Variants in FGD6 observed in about 807,000 individuals in gnomAD.
The protein encoded by FGD6 is FYVE, RhoGEF and PH domain containing 6.
FGD6 carries 90 observed loss-of-function variants against 149.4 expected under a neutral mutation model. That is an observed-to-expected ratio of 0.60 (90% confidence interval 0.51 to 0.72). FGD6 has a LOEUF of 0.72. Among genes scored for constraint, FGD6 ranks in the 30% least tolerant of loss-of-function variants. FGD6 has a pLI of 0.00. For synonymous variants in FGD6, 527 were observed against 584.0 expected (o/e 0.90, Z 1.41); for missense variants, 1,437 against 1,684.8 (o/e 0.85, Z 2.57).
At chr12:95,175,916 G>T (rs1483947175) in intron 2 of FGD6, among the ~76,000 whole-genome samples, 1 of 151,486 alleles carries the variant, frequency 6.6e-6, no homozygotes, top group Non-Finnish European at 1.5e-5. Flanking sequence ...GTCACAAGCA[G>T]AATGAGGGTG....
At chr12:95,169,389 T>C (rs1880922260) in intron 3 of FGD6, among the ~76,000 whole-genome samples, 1 of 151,738 alleles carries the variant, frequency 6.6e-6, no homozygotes, top group Admixed American at 6.6e-5. Flanking sequence ...AAATAGTCCT[T>C]TAAAAAAAAA....
At position 95,102,445 on chromosome 12, in the gene FGD6, A is replaced by C. The variant is rs1308106398; in HGVS notation, c.3497+2562T>G. 2.9e-4 allele frequency among the ~76,000 whole-genome samples: 4 copies of C among 13,920 alleles called. No homozygotes were observed. The East Asian group carries it at 8.9e-3, about 31-fold the overall frequency. 9.1% of individuals were successfully genotyped at this position (13,920 alleles called of 152,430 possible). A position where few individuals can be genotyped will look rare whatever the true frequency, so the allele number is the denominator to read the frequency against. On this transcript the variant is annotated intron_variant, in intron 14 of 20. Transcript: ENST00000343958. ...GGTGACAGAGCGAGACCCTTTCTCA[A>C]AAAAAAAAAAAAAAAAAAAAAACAC... is the stretch of plus-strand genomic sequence containing the variant.
At chr12:95,133,179 AG>A (rs1879572722) in intron 8 of FGD6, among the ~76,000 whole-genome samples, 1 of 152,206 alleles carries the variant, frequency 6.6e-6, no homozygotes, top group Admixed American at 6.5e-5. Flanking sequence ...GCACTTTGGG[AG>A]GCCAAGGTCG....
Position 95,089,590 on chromosome 12 carries a change from T to G in FGD6, c.3957A>C (p.Lys1319Asn). ...TTACTTCTTTGAGAGCAGCTGGGAT[T>G]TTTTTCTGTTTCCTCCCTGATGGAA... ...HSIPSGRKQK[K>N]IPAALKEVSA... Residue 1319 changes from lysine (K) to asparagine (N), a missense_variant, in exon 18 of 21, where the codon AAA (lysine) becomes AAC (asparagine). Transcript: ENST00000343958. The G allele has an allele frequency of 1.2e-6, 2 of 1,613,682 alleles. No homozygotes were observed. Among genetic ancestry groups the G allele is most frequent in the Non-Finnish European group, 1.7e-6 (2 of 1,179,752 alleles).
chr12:95,093,533 TA>T (rs532377816), intron 15 of FGD6, among the ~76,000 whole-genome samples: 151 of 149,938 alleles, frequency 1.0e-3, no homozygotes, highest in African/African-American at 3.6e-3. Flanking sequence ...TAACGACAAT[TA>T]GCATGGTGGC....
At chr12:95,109,677 A>G (rs964199730) in intron 9 of FGD6, among the ~76,000 whole-genome samples, 1 of 152,142 alleles carries the variant, frequency 6.6e-6, no homozygotes, top group African/African-American at 2.4e-5. Context: ...AGCCTCAGCA[A>G]TAAGGTAAAA....
intron 20 of FGD6, among the ~76,000 whole-genome samples, chr12:95,083,030 T>TACACACACACAC (rs1555215606): frequency 1.2e-4 from 7 of 56,594 alleles, no homozygotes; most frequent in African/African-American, 4.9e-4. Context: ...TATATATATA[T>TACACACACACAC]ACACACACAT....
intron 8 of FGD6, among the ~76,000 whole-genome samples, chr12:95,119,999 G>C (rs747150835): frequency 5.3e-5 from 8 of 151,814 alleles, no homozygotes; most frequent in Non-Finnish European, 8.8e-5. Flanking sequence ...GGGAGGCTGA[G>C]GCGGGAGGAT....
intron 8 of FGD6, among the ~76,000 whole-genome samples, chr12:95,129,047 T>G (rs927665045): frequency 6.6e-6 from 1 of 151,904 alleles, no homozygotes; most frequent in Non-Finnish European, 1.5e-5. Flanking sequence ...TGATAAGAGG[T>G]AGCATGACCA....
At position 95,089,973 on chromosome 12, in the gene FGD6, A is replaced by C. The variant is rs572881372; in HGVS notation, c.3851-277T>G. On this transcript the variant is annotated intron_variant, in intron 17 of 20. Transcript: ENST00000343958. Reference sequence around the variant, plus strand: ...CGTGACTATACTACCAACTTAAAAAAAATCCAAAAAACCTTCCCTACTGCC... The same window carrying C: ...CGTGACTATACTACCAACTTAAAAACAATCCAAAAAACCTTCCCTACTGCC... 1.2e-4 allele frequency among the ~76,000 whole-genome samples: 18 copies of C among 152,228 alleles called. No individual in the cohort carries two copies. The South Asian group carries it at 3.7e-3, about 32-fold the overall frequency.
At chr12:95,126,000 G>A (rs960809950) in intron 8 of FGD6, 2 of 1,384,394 alleles carry the variant, frequency 1.4e-6, no homozygotes, top group South Asian at 2.3e-5. Flanking sequence ...GCAGAAGGTA[G>A]ACATCAATAC....
At chr12:95,141,292 A>G (rs1359711454) in intron 6 of FGD6, 96 bp downstream of exon 6, 18 of 1,243,052 alleles carry the variant, frequency 1.4e-5, no homozygotes, top group Non-Finnish European at 1.7e-5. Context: ...CAAACAACTC[A>G]ATGTAATGAA....
intron 14 of FGD6, among the ~76,000 whole-genome samples, chr12:95,096,981 G>T (rs1878251732): frequency 1.3e-5 from 2 of 152,224 alleles, no homozygotes; most frequent in Admixed American, 1.3e-4. Context: ...GAGAATTGCT[G>T]TTGGATTCTT....
At chr12:95,124,713 C>A (rs565131168) in intron 8 of FGD6, among the ~76,000 whole-genome samples, 1 of 152,260 alleles carries the variant, frequency 6.6e-6, no homozygotes, top group Admixed American at 6.5e-5. Context: ...CAAAAAGAGG[C>A]ACACAAACAA....
chr12:95,103,182 G>A (rs1165755002), intron 14 of FGD6, among the ~76,000 whole-genome samples: 2 of 152,170 alleles, frequency 1.3e-5, no homozygotes, highest in African/African-American at 2.4e-5. Context: ...AAGATGAAAC[G>A]AAGTACTACA....
In FGD6 at chr12:95,148,867, T is replaced by C. The variant is rs531138372; in HGVS notation, c.2685+3944A>G. ...CATATATTATATATATTATATAAGA[T>C]ATAGCATATATTATATATATTATAT... On this transcript the variant is annotated intron_variant, in intron 5 of 20. Coordinates refer to ENST00000343958, the MANE Select transcript of FGD6 (RefSeq NM_018351.4). 2.7e-4 allele frequency among the ~76,000 whole-genome samples: 14 copies of C among 51,026 alleles called. 1 individual carries two copies. Among genetic ancestry groups the C allele is most frequent in the African/African-American group, 8.5e-4 (9 of 10,570 alleles). 33.5% of individuals were successfully genotyped at this position (51,026 alleles called of 152,430 possible).
intron 2 of FGD6, among the ~76,000 whole-genome samples, chr12:95,199,990 C>T (rs1881830629): frequency 6.6e-6 from 1 of 152,152 alleles, no homozygotes; most frequent in Non-Finnish European, 1.5e-5. Context: ...ATTATTCCTT[C>T]TTTATACATT....
rs554411446 is a variant in FGD6 at position 95,174,480 on chromosome 12, G to A, written c.2442-1736C>T. Among the ~76,000 whole-genome samples the A allele has an allele frequency of 1.9e-3, 286 of 152,142 alleles. 3 individuals carry two copies. The highest frequency in any genetic ancestry group is 6.1e-3 in the African/African-American group (254 of 41,496). ...ACGCTCAGGCCACCCACAACCCACCGAATCAGGATCCGTGCTGTAACAAAA... is the reference window on the plus strand; with the variant it reads ...ACGCTCAGGCCACCCACAACCCACCAAATCAGGATCCGTGCTGTAACAAAA... On this transcript the variant is annotated intron_variant, in intron 2 of 20. Coordinates refer to ENST00000343958, the MANE Select transcript of FGD6 (RefSeq NM_018351.4).
intron 9 of FGD6, among the ~76,000 whole-genome samples, chr12:95,110,012 T>C (rs1201405048): frequency 6.6e-6 from 1 of 151,934 alleles, no homozygotes; most frequent in Non-Finnish European, 1.5e-5. Context: ...TTTCTTGCTC[T>C]GTCACCCAGG....
Sources: allele counts gnomAD v4.1 joint callset (sites outside exome capture counted in the v4.1 genomes callset), GRCh38; gene constraint gnomAD v4.1.1; transcripts MANE v1.5; gene names NCBI Gene and HGNC (gene_info 2026-07-23, HGNC 2026-07-21).